Variants in PPARG observed in about 807,000 individuals in gnomAD.
PPARG encodes peroxisome proliferator activated receptor gamma.
PPARG carries 17 observed loss-of-function variants against 39.2 expected under a neutral mutation model. The observed-to-expected ratio is 0.43, with a 90% CI of 0.30 to 0.65. The LOEUF (loss-of-function observed/expected upper bound fraction) is 0.65. PPARG is among the 30% of genes least tolerant of loss of function. The pLI is 0.13. For synonymous variants in PPARG, 223 were observed against 215.7 expected, an observed-to-expected ratio of 1.03 and a Z score of -0.30; for missense variants, 406 against 585.9, an observed-to-expected ratio of 0.69 and a Z score of 3.17.
intron 2 of PPARG, among the ~76,000 whole-genome samples, chr3:12,373,778 T>C (rs75650781): frequency 3.3e-3 from 496 of 152,302 alleles, no homozygotes; most frequent in Non-Finnish European, 5.6e-3. Context: ...TAATTATATC[T>C]GAGTTAAAGG....
At chr3:12,321,481 G>A (rs2125021371) in intron 2 of PPARG, among the ~76,000 whole-genome samples, 1 of 152,260 alleles carries the variant, frequency 6.6e-6, no homozygotes, top group African/African-American at 2.4e-5. Flanking sequence ...TTTCTGTATA[G>A]GAACCTACTG....
At chr3:12,352,028 T>G (rs1401386873) in intron 2 of PPARG, among the ~76,000 whole-genome samples, 1 of 152,186 alleles carries the variant, frequency 6.6e-6, no homozygotes, top group East Asian at 1.9e-4. Context: ...GGGTCACTTT[T>G]TCCTCTTTTC....
At chr3:12,310,463 T>TAATAGTTGCCTTAAATG in intron 1 of PPARG, among the ~76,000 whole-genome samples, 4 of 100,462 alleles carry the variant, frequency 4.0e-5, no homozygotes, top group Non-Finnish European at 4.3e-5. Context: ...GAGCCCTTTT[T>TAATAGTTGCCTTAAATG]TTTTTTTTTT....
intron 4 of PPARG, among the ~76,000 whole-genome samples, chr3:12,382,437 T>C (rs2049710309): frequency 6.6e-6 from 1 of 152,198 alleles, no homozygotes; most frequent in Non-Finnish European, 1.5e-5. Flanking sequence ...TTGCACAGAA[T>C]AAACTGTTCA....
At chr3:12,351,531 C>A (rs1344649203) in intron 2 of PPARG, 3 of 1,286,586 alleles carry the variant, frequency 2.3e-6, no homozygotes, top group South Asian at 1.2e-5. Flanking sequence ...ACGGATTGAT[C>A]TTTTGCTAGA....
chr3:12,370,339 A>C (rs1449009098), intron 2 of PPARG, among the ~76,000 whole-genome samples: 1 of 151,880 alleles, frequency 6.6e-6, no homozygotes, highest in Non-Finnish European at 1.5e-5. Context: ...TCTCTATAGA[A>C]GGGGTATTAA....
At chr3:12,418,834 C>G (rs2051165011) in intron 7 of PPARG, among the ~76,000 whole-genome samples, 1 of 152,214 alleles carries the variant, frequency 6.6e-6, no homozygotes, top group African/African-American at 2.4e-5. Context: ...GCAAATAGAT[C>G]ACAGTATGGC....
chr3:12,399,976 CCT>C (rs1055397251), intron 5 of PPARG, among the ~76,000 whole-genome samples: 7 of 151,006 alleles, frequency 4.6e-5, no homozygotes, highest in Non-Finnish European at 1.0e-4. Context: ...CGAGAAAGAC[CCT>C]GTCTCTAAAA....
intron 6 of PPARG, among the ~76,000 whole-genome samples, chr3:12,410,532 G>C (rs1348326545): frequency 6.6e-6 from 1 of 152,226 alleles, no homozygotes; most frequent in African/African-American, 2.4e-5. Context: ...GCTGCACTCT[G>C]TCTGCAAATA....
At chr3:12,395,433 G>A (rs2050224567) in intron 5 of PPARG, among the ~76,000 whole-genome samples, 1 of 152,228 alleles carries the variant, frequency 6.6e-6, no homozygotes, top group Non-Finnish European at 1.5e-5. Context: ...AATGTAGCCT[G>A]AGAGCAGAAA....
intron 6 of PPARG, among the ~76,000 whole-genome samples, chr3:12,416,462 A>G (rs2051059394): frequency 6.6e-6 from 1 of 152,244 alleles, no homozygotes; most frequent in Non-Finnish European, 1.5e-5. Context: ...AGTCATAGGT[A>G]AAGTGTTACA....
At chr3:12,418,479 G>A (rs544915106) in intron 7 of PPARG, among the ~76,000 whole-genome samples, 4 of 152,328 alleles carry the variant, frequency 2.6e-5, no homozygotes, top group South Asian at 2.1e-4. Flanking sequence ...TAAAGAGCAC[G>A]ATCCCTTTGT....
chr3:12,291,688 A>G (rs1464478379), intron 1 of PPARG, among the ~76,000 whole-genome samples: 1 of 152,206 alleles, frequency 6.6e-6, no homozygotes, highest in Non-Finnish European at 1.5e-5. Flanking sequence ...CAATAATAGT[A>G]TATGTTTAAA....
chr3:12,386,243 A>G (rs2125192814), intron 4 of PPARG, among the ~76,000 whole-genome samples: 1 of 152,328 alleles, frequency 6.6e-6, no homozygotes, highest in Non-Finnish European at 1.5e-5. Context: ...GCACTCGATA[A>G]TATCCTTACA....
At chr3:12,427,836 G>A (rs79984499) in intron 7 of PPARG, among the ~76,000 whole-genome samples, 2,421 of 152,282 alleles carry the variant, frequency 0.016, 68 homozygotes, top group African/African-American at 0.054. Context: ...CCAGTTTTCA[G>A]CCCACACCTG....
chr3:12,290,240 A>G (rs2046614089), intron 1 of PPARG, among the ~76,000 whole-genome samples: 1 of 152,056 alleles, frequency 6.6e-6, no homozygotes, highest in East Asian at 1.9e-4. Flanking sequence ...CTAGTTCTTA[A>G]ACAATAACTG....
chr3:12,374,109 G>C (rs563102004), intron 2 of PPARG, among the ~76,000 whole-genome samples: 2 of 152,320 alleles, frequency 1.3e-5, no homozygotes, highest in South Asian at 2.1e-4. Flanking sequence ...AGAGGGCCTT[G>C]AATGCCAAGC....
At chr3:12,329,327 A>G (rs2047785658) in intron 2 of PPARG, among the ~76,000 whole-genome samples, 1 of 152,230 alleles carries the variant, frequency 6.6e-6, no homozygotes, top group African/African-American at 2.4e-5. Flanking sequence ...TTGATCAATT[A>G]TCTTTGAGAC....
chr3:12,416,096 C>T (rs2051047023), intron 6 of PPARG, among the ~76,000 whole-genome samples: 1 of 152,156 alleles, frequency 6.6e-6, no homozygotes, highest in South Asian at 2.1e-4. Context: ...AATCAACAAT[C>T]GGCCGGGTGT....
Sources: gnomAD v4.1 joint callset for allele counts (sites outside exome capture counted in the v4.1 genomes callset) on GRCh38, gnomAD v4.1.1 for gene constraint, MANE v1.5 for transcripts, NCBI Gene and HGNC (gene_info 2026-07-23, HGNC 2026-07-21) for gene names.